Variants in CAMKMT observed in about 807,000 individuals in gnomAD.
CAMKMT encodes calmodulin-lysine N-methyltransferase.
A neutral mutation model predicts 48.0 loss-of-function variants in CAMKMT; 53 were observed. That is an observed-to-expected ratio of 1.10 (90% confidence interval 0.89 to 1.39). The LOEUF is 1.39. Among genes scored for constraint, CAMKMT ranks in the 40% most tolerant of loss-of-function variants. The probability of loss-of-function intolerance (pLI) is 0.00; values close to 1 mark genes in which losing one functional copy is unlikely to be tolerated. For synonymous variants in CAMKMT, 165 were observed against 152.3 expected, an observed-to-expected ratio of 1.08 and a Z score of -0.61; for missense variants, 428 against 402.7, an observed-to-expected ratio of 1.06 and a Z score of -0.54.
chr2:44,506,929 A>G (rs959736807), intron 3 of CAMKMT, among the ~76,000 whole-genome samples: 1 of 152,200 alleles, frequency 6.6e-6, no homozygotes, highest in Admixed American at 6.5e-5. Context: ...AAAAATGACT[A>G]TGTGACGGAA....
intron 3 of CAMKMT, among the ~76,000 whole-genome samples, chr2:44,435,818 T>C (rs1666204823): frequency 6.6e-6 from 1 of 152,226 alleles, no homozygotes. Context: ...TTCTGCCTTT[T>C]TAGTTCATAG....
At chr2:44,475,300 A>C (rs1668629620) in intron 3 of CAMKMT, among the ~76,000 whole-genome samples, 1 of 148,026 alleles carries the variant, frequency 6.8e-6, no homozygotes, top group Non-Finnish European at 1.5e-5. Context: ...GTTTTTAAAT[A>C]GTAAGAATAT....
At chr2:44,551,326 G>T (rs1440824674) in intron 3 of CAMKMT, among the ~76,000 whole-genome samples, 1 of 152,068 alleles carries the variant, frequency 6.6e-6, no homozygotes, top group Non-Finnish European at 1.5e-5. Flanking sequence ...AATTCTCACT[G>T]TTCAGGTGAC....
intron 3 of CAMKMT, among the ~76,000 whole-genome samples, chr2:44,596,426 G>A (rs1319584406): frequency 1.3e-5 from 2 of 151,610 alleles, no homozygotes; most frequent in African/African-American, 4.9e-5. Flanking sequence ...TCCAGGCTGG[G>A]TAACAGAGCG....
intron 7 of CAMKMT, among the ~76,000 whole-genome samples, chr2:44,735,155 A>C (rs181587819): frequency 6.6e-6 from 1 of 152,312 alleles, no homozygotes; most frequent in African/African-American, 2.4e-5. Context: ...TCTGATATGA[A>C]TATAGACACT....
chr2:44,540,030 A>G (rs1463540657), intron 3 of CAMKMT, among the ~76,000 whole-genome samples: 3 of 152,126 alleles, frequency 2.0e-5, no homozygotes, highest in Non-Finnish European at 2.9e-5. Context: ...TTTAGCATAC[A>G]TTGACAAATA....
At chr2:44,540,468 G>A (rs950807010) in intron 3 of CAMKMT, among the ~76,000 whole-genome samples, 5 of 152,184 alleles carry the variant, frequency 3.3e-5, no homozygotes, top group South Asian at 2.1e-4. Context: ...ACTCAGATAC[G>A]AGGCCAGGCC....
At chr2:44,563,815 T>C (rs1411818691) in intron 3 of CAMKMT, among the ~76,000 whole-genome samples, 1 of 152,222 alleles carries the variant, frequency 6.6e-6, no homozygotes, top group Non-Finnish European at 1.5e-5. Flanking sequence ...CATCCTTTTT[T>C]TATGGCTGCA....
intron 3 of CAMKMT, chr2:44,456,679 G>A: frequency 6.9e-7 from 1 of 1,453,124 alleles, no homozygotes; most frequent in Non-Finnish European, 9.3e-7. Flanking sequence ...AGATGTTTTG[G>A]CCAAGGCATC....
At chr2:44,710,744 A>G (rs1677835565) in intron 6 of CAMKMT, among the ~76,000 whole-genome samples, 1 of 152,200 alleles carries the variant, frequency 6.6e-6, no homozygotes, top group African/African-American at 2.4e-5. Flanking sequence ...GAGACATGGT[A>G]TACTGAGTTA....
chr2:44,390,200 C>T (rs767150137), intron 2 of CAMKMT, 41 bp from the exon 3 acceptor site: 6 of 1,510,528 alleles, frequency 4.0e-6, no homozygotes, highest in Non-Finnish European at 5.5e-6. Context: ...AAAATGTTAA[C>T]ATTTCAGAAT....
intron 10 of CAMKMT, among the ~76,000 whole-genome samples, chr2:44,771,825 C>T (rs942769415): frequency 4.6e-5 from 7 of 151,964 alleles, no homozygotes; most frequent in Non-Finnish European, 8.8e-5. Flanking sequence ...AAAAACCCTA[C>T]CCACCCCCAC....
At chr2:44,506,832 A>T (rs1405705234) in intron 3 of CAMKMT, among the ~76,000 whole-genome samples, 1 of 152,196 alleles carries the variant, frequency 6.6e-6, no homozygotes, top group African/African-American at 2.4e-5. Flanking sequence ...AAAATGTGTT[A>T]GCTAATATTA....
chr2:44,704,652 T>G (rs1045624942), intron 4 of CAMKMT, among the ~76,000 whole-genome samples: 1 of 134,020 alleles, frequency 7.5e-6, no homozygotes, highest in African/African-American at 2.9e-5. Context: ...AAAGTGAAGC[T>G]CCAATCAATC....
intron 3 of CAMKMT, among the ~76,000 whole-genome samples, chr2:44,509,028 G>A (rs1572677519): frequency 6.6e-6 from 1 of 151,658 alleles, no homozygotes; most frequent in Non-Finnish European, 1.5e-5. Context: ...CCTGGGAGGT[G>A]GAGGTTGCAG....
rs144135755 is a variant in CAMKMT, at chr2:44,724,839, G to C, written c.623+9486G>C. On this transcript the variant is annotated intron_variant, in intron 7 of 10. Transcript: ENST00000378494. ...AAGAAGCACATATCGGAGGTGGACA[G>C]GCCTGAGGGGATAGTCCAACCACAG... Among the ~76,000 whole-genome samples the C allele has an allele frequency of 4.9e-3, 753 of 152,320 alleles. 8 individuals carry two copies. Among genetic ancestry groups the C allele is most frequent in the African/African-American group, 0.017 (717 of 41,568 alleles).
At chr2:44,365,901 T>C (rs913130004) in intron 1 of CAMKMT, among the ~76,000 whole-genome samples, 1 of 152,260 alleles carries the variant, frequency 6.6e-6, no homozygotes, top group Non-Finnish European at 1.5e-5. Context: ...GTTCAGTTTA[T>C]ATCAAAGCAG....
chr2:44,715,175 A>G lies in CAMKMT; in HGVS notation c.557-112A>G, dbSNP rs188727137. On this transcript the variant is annotated intron_variant, in intron 6 of 10. Coordinates refer to ENST00000378494, the MANE Select transcript of CAMKMT (RefSeq NM_024766.5). The stretch of plus-strand genomic sequence containing the variant: ...GCCACTGCACTCCAGCCTGGGCAAC[A>G]GAGCGAGACCCTGTCTCAAAAAAAA... 8.7e-4 allele frequency: 566 copies of G among 651,618 alleles called. No homozygotes were observed. In the African/African-American group the frequency reaches 9.0e-3, roughly 10 times the overall value. 40.4% of individuals were successfully genotyped at this position (651,618 alleles called of 1,614,324 possible). A position where few individuals can be genotyped will look rare whatever the true frequency, so the allele number is the denominator to read the frequency against.
At chr2:44,595,758 G>C (rs1468499431) in intron 3 of CAMKMT, among the ~76,000 whole-genome samples, 3 of 152,172 alleles carry the variant, frequency 2.0e-5, no homozygotes, top group Non-Finnish European at 4.4e-5. Flanking sequence ...TCATAGACTG[G>C]ATAAATGAAA....
Sources: allele counts gnomAD v4.1 joint callset (sites outside exome capture counted in the v4.1 genomes callset), GRCh38; gene constraint gnomAD v4.1.1; transcripts MANE v1.5; gene names NCBI Gene and HGNC (gene_info 2026-07-23, HGNC 2026-07-21).